The following XKR9 variants were observed in gnomAD, a reference collection of about 807,000 sequenced individuals.
XKR9 encodes the protein XK-related protein 9.
A neutral mutation model predicts 32.0 loss-of-function variants in XKR9; 32 were observed. The observed-to-expected ratio is 1.00, with a 90% CI of 0.76 to 1.34. The LOEUF (loss-of-function observed/expected upper bound fraction) is 1.34. Ranked by LOEUF, XKR9 falls within the 40% of genes most tolerant of loss-of-function variation. The probability of loss-of-function intolerance (pLI) is 0.00; values close to 1 mark genes in which losing one functional copy is unlikely to be tolerated. For synonymous variants in XKR9, 168 were observed against 143.4 expected (o/e 1.17, Z -1.22); for missense variants, 546 against 429.7 (o/e 1.27, Z -2.39).
chr8:70,759,046 A>G lies in XKR9; in HGVS notation n.353-30293A>G, dbSNP rs533113488. On this transcript the variant is annotated intron_variant and non_coding_transcript_variant, in intron 2 of 3. Coordinates refer to the XKR9 transcript ENST00000520273. ...GCTATATTATGCAAATGACTATTTT[A>G]ATTAAAAGCCTTGTTCCCCTTCTTT... 2.7e-4 allele frequency among the ~76,000 whole-genome samples: 41 copies of G among 152,310 alleles called. 1 individual carries two copies. Among genetic ancestry groups the G allele is most frequent in the African/African-American group, 9.6e-4 (40 of 41,562 alleles).
chr8:70,885,969 C>A, the XKR9 span, among the ~76,000 whole-genome samples: 29 of 152,026 alleles, frequency 1.9e-4, no homozygotes, highest in Non-Finnish European at 3.7e-4. Flanking sequence ...TATACACGTG[C>A]CATGGTGGTT....
chr8:70,847,920 C>A, the XKR9 span, among the ~76,000 whole-genome samples: 4 of 151,972 alleles, frequency 2.6e-5, no homozygotes, highest in Non-Finnish European at 5.9e-5. Flanking sequence ...TATACTCAAA[C>A]TATTGCAAAA....
rs556186956 is a variant in XKR9, at chr8:70,696,243, A to G, written c.273-10690A>G. Among the ~76,000 whole-genome samples, 105 of 152,310 alleles carry G rather than the reference A, an allele frequency of 6.9e-4. 1 individual carries two copies. The South Asian group carries it at 8.5e-3, about 12-fold the overall frequency. On this transcript the variant is annotated intron_variant, in intron 3 of 4. Coordinates refer to ENST00000408926, the MANE Select transcript of XKR9 (RefSeq NM_001011720.2). ...TGCCATTGCTTTTGGTGTTTTAGAC[A>G]TGAAGTCCTTGCCCATGCCTATGTC...
chr8:70,740,884 T>C (rs761532120), downstream of XKR9, among the ~76,000 whole-genome samples: 1 of 152,076 alleles, frequency 6.6e-6, no homozygotes, highest in African/African-American at 2.4e-5. Flanking sequence ...CTCCTGGGGG[T>C]TGCCTCCCAG....
chr8:70,977,225 G>A, the XKR9 span, among the ~76,000 whole-genome samples: 1 of 151,886 alleles, frequency 6.6e-6, no homozygotes, highest in Non-Finnish European at 1.5e-5. Flanking sequence ...AGGGTTTTTT[G>A]TGTCTCTATC....
chr8:70,997,733 A>G, the XKR9 span, among the ~76,000 whole-genome samples: 1 of 152,154 alleles, frequency 6.6e-6, no homozygotes, highest in Non-Finnish European at 1.5e-5. Context: ...CATGTAACCA[A>G]ATACCACCTG....
the XKR9 span, among the ~76,000 whole-genome samples, chr8:70,847,979 T>G: frequency 1.3e-5 from 2 of 152,022 alleles, no homozygotes; most frequent in Admixed American, 1.3e-4. Flanking sequence ...AGGCCAACAC[T>G]ACTCTGATAC....
the XKR9 span, among the ~76,000 whole-genome samples, chr8:70,818,902 G>T: frequency 6.6e-6 from 1 of 152,176 alleles, no homozygotes. Context: ...GGAACGGTGA[G>T]ACAAAAGCAC....
chr8:70,680,858 A>T lies in XKR9; in HGVS notation c.-201A>T. 4.5e-6 allele frequency: 2 copies of T among 447,720 alleles called. No homozygotes were observed. The highest frequency in any genetic ancestry group is 7.9e-6 in the Non-Finnish European group (2 of 254,174). 27.7% of individuals were successfully genotyped at this position (447,720 alleles called of 1,614,324 possible). ...TTGTAACATTGGACCTAGATTAGAG[A>T]TTTAGAAAAGAAAGTCAAAATTAGT... On this transcript the variant is annotated 5_prime_UTR_variant, in exon 3 of 5. Transcript: ENST00000408926.
the XKR9 span, among the ~76,000 whole-genome samples, chr8:71,027,788 G>T: frequency 3.0e-5 from 4 of 134,964 alleles, no homozygotes; most frequent in South Asian, 2.3e-4. Context: ...GCGGGGGGGG[G>T]GGGTCTCACT....
chr8:70,761,574 G>A (rs1563471977), intron 2 of XKR9, among the ~76,000 whole-genome samples: 1 of 152,014 alleles, frequency 6.6e-6, no homozygotes, highest in Non-Finnish European at 1.5e-5. Context: ...ATTTGTTTAA[G>A]TTCCTTATAG....
At chr8:71,055,779 A>T in the XKR9 span, among the ~76,000 whole-genome samples, 2 of 152,210 alleles carry the variant, frequency 1.3e-5, no homozygotes, top group African/African-American at 4.8e-5. Flanking sequence ...CCATCTTCAC[A>T]AAGTTAAATG....
chr8:70,718,484 C>G (rs1806165843), intron 4 of XKR9, among the ~76,000 whole-genome samples: 1 of 151,910 alleles, frequency 6.6e-6, no homozygotes. Flanking sequence ...CCCTGATGCC[C>G]CAACAGGCCC....
At chr8:70,981,824 C>T in the XKR9 span, among the ~76,000 whole-genome samples, 4 of 152,158 alleles carry the variant, frequency 2.6e-5, no homozygotes, top group Admixed American at 2.6e-4. Flanking sequence ...TCTTTTGTCC[C>T]ATAGGGTGCT....
the XKR9 span, among the ~76,000 whole-genome samples, chr8:70,823,616 T>C: frequency 2.0e-4 from 30 of 152,348 alleles, no homozygotes; most frequent in African/African-American, 7.2e-4. Context: ...GCTAAAAAAG[T>C]GTGCAGGAGA....
At chr8:70,976,554 C>T in the XKR9 span, among the ~76,000 whole-genome samples, 1 of 151,950 alleles carries the variant, frequency 6.6e-6, no homozygotes, top group African/African-American at 2.4e-5. Context: ...GACTTGCATC[C>T]CAGGGATGAA....
chr8:70,684,550 A>G (rs954185284), intron 3 of XKR9, among the ~76,000 whole-genome samples: 14 of 140,220 alleles, frequency 1.0e-4, no homozygotes, highest in Non-Finnish European at 1.8e-4. Flanking sequence ...ATTAAGATCA[A>G]TTAAATATAA....
At chr8:71,048,456 GTCTTCTATTAGACATATTTGC>G in the XKR9 span, among the ~76,000 whole-genome samples, 2 of 151,922 alleles carry the variant, frequency 1.3e-5, no homozygotes, top group African/African-American at 4.8e-5. Flanking sequence ...GATAGATAAC[GTCTTCTATTAGACATATTTGC>G]TTATTTATAA....
At chr8:70,851,257 A>G in the XKR9 span, among the ~76,000 whole-genome samples, 1 of 152,216 alleles carries the variant, frequency 6.6e-6, no homozygotes, top group East Asian at 1.9e-4. Flanking sequence ...GGAGAATTAC[A>G]AACCACTTGT....
Sources: gnomAD v4.1 joint callset for allele counts (sites outside exome capture counted in the v4.1 genomes callset) on GRCh38, gnomAD v4.1.1 for gene constraint, MANE v1.5 for transcripts, NCBI Gene and HGNC (gene_info 2026-07-23, HGNC 2026-07-21) for gene names.